The following KAZN variants were observed in gnomAD, a reference collection of about 807,000 sequenced individuals.
KAZN encodes kazrin.
In KAZN, 40 loss-of-function variants were observed where a neutral mutation model predicts 87.4. That is an observed-to-expected ratio of 0.46 (90% CI 0.36 to 0.60). KAZN has a LOEUF of 0.60. Ranked by LOEUF, KAZN falls within the 20% of genes least tolerant of loss-of-function variation. The pLI is 0.00. For missense variants in KAZN, 898 were observed against 1,073.9 expected, an observed-to-expected ratio of 0.84 and a Z score of 2.29; for synonymous variants, 466 against 458.3, an observed-to-expected ratio of 1.02 and a Z score of -0.22.
At chr1:15,074,088 C>G (rs1207574214) in intron 8 of KAZN, among the ~76,000 whole-genome samples, 1 of 152,234 alleles carries the variant, frequency 6.6e-6, no homozygotes, top group East Asian at 1.9e-4. Flanking sequence ...TGACCACAGC[C>G]AAGCTGGTCT....
chr1:14,373,017 A>G (rs1435991233), intron 2 of KAZN, among the ~76,000 whole-genome samples: 1 of 152,110 alleles, frequency 6.6e-6, no homozygotes, highest in Non-Finnish European at 1.5e-5. Context: ...AGGAGGTGCC[A>G]TTTCAGCTAC....
intron 1 of KAZN, chr1:14,180,391 G>A (rs1170225305): frequency 1.3e-6 from 2 of 1,527,868 alleles, no homozygotes; most frequent in Non-Finnish European, 1.8e-6. Flanking sequence ...CTCTTTGAAA[G>A]TTACCAGTTG....
At chr1:14,487,042 A>T (rs1669385391) in intron 2 of KAZN, among the ~76,000 whole-genome samples, 1 of 152,200 alleles carries the variant, frequency 6.6e-6, no homozygotes, top group Non-Finnish European at 1.5e-5. Flanking sequence ...TCTAGATGAG[A>T]TTCCATAAAT....
At chr1:14,775,510 G>C (rs1407515767) in intron 1 of KAZN, among the ~76,000 whole-genome samples, 1 of 152,250 alleles carries the variant, frequency 6.6e-6, no homozygotes, top group African/African-American at 2.4e-5. Flanking sequence ...TCCACGCCTT[G>C]TGATGTGGAC....
intron 1 of KAZN, among the ~76,000 whole-genome samples, chr1:14,678,851 TA>T (rs1640398469): frequency 6.6e-6 from 1 of 152,096 alleles, no homozygotes; most frequent in African/African-American, 2.4e-5. Context: ...CCGTATGTAA[TA>T]GGGGATATAT....
intron 2 of KAZN, among the ~76,000 whole-genome samples, chr1:14,999,086 C>T (rs1040818656): frequency 3.3e-5 from 5 of 152,236 alleles, no homozygotes; most frequent in South Asian, 2.1e-4. Context: ...CTTAGGAGGC[C>T]GAGGCAGGAG....
At chr1:13,934,066 A>G (rs12036756) in intron 1 of KAZN, among the ~76,000 whole-genome samples, 2,477 of 152,352 alleles carry the variant, frequency 0.016, 63 homozygotes, top group African/African-American at 0.055. Context: ...AGCCTGTACC[A>G]GTCCTTTTAA....
intron 2 of KAZN, among the ~76,000 whole-genome samples, chr1:15,026,278 C>T (rs1208429666): frequency 6.6e-6 from 1 of 152,196 alleles, no homozygotes; most frequent in Non-Finnish European, 1.5e-5. Context: ...CTGTATGCAG[C>T]TGAGCTCTGT....
At chr1:13,894,119 C>T (rs556517930) in intron 1 of KAZN, among the ~76,000 whole-genome samples, 5 of 152,244 alleles carry the variant, frequency 3.3e-5, no homozygotes, top group East Asian at 3.9e-4. Context: ...AGGTGCCAGT[C>T]GTAGCCTGGT....
At position 14,010,288 on chromosome 1, in the gene KAZN, T is replaced by G. The variant is rs79362402; in HGVS notation, c.91+116532T>G. Among the ~76,000 whole-genome samples, 80 of 152,368 alleles carry G rather than the reference T, an allele frequency of 5.3e-4. 1 individual carries two copies. The East Asian group carries it at 0.015, about 29-fold the overall frequency. On this transcript the variant is annotated intron_variant, in intron 1 of 16. Transcript: ENST00000636203. The stretch of plus-strand genomic sequence containing the variant: ...GGAGCTGCCTGCTGTACTTTGGTCT[T>G]ACTATATAAAACCTCTGTTGTGTTA...
At chr1:14,307,375 G>C (rs938311472) in intron 2 of KAZN, among the ~76,000 whole-genome samples, 22 of 152,062 alleles carry the variant, frequency 1.4e-4, no homozygotes, top group Admixed American at 9.2e-4. Flanking sequence ...CTGATGTTTT[G>C]GGTTGCTTCT....
intron 1 of KAZN, among the ~76,000 whole-genome samples, chr1:14,854,428 C>T (rs555508024): frequency 1.3e-5 from 2 of 152,300 alleles, no homozygotes; most frequent in South Asian, 4.1e-4. Context: ...GTTTATTTAG[C>T]TCATGGTTTT....
intron 1 of KAZN, among the ~76,000 whole-genome samples, chr1:14,670,129 T>C (rs1241783103): frequency 8.4e-5 from 12 of 142,166 alleles, no homozygotes; most frequent in Admixed American, 2.8e-4. Flanking sequence ...CCCTTTTTCA[T>C]TCCCTTCCCT....
chr1:14,990,499 C>T (rs10927618), intron 2 of KAZN, among the ~76,000 whole-genome samples: 45,091 of 152,148 alleles, frequency 0.3, 7,180 homozygotes, highest in African/African-American at 0.41. Flanking sequence ...GTTGTGATGA[C>T]GGGCATGAGC....
intron 1 of KAZN, among the ~76,000 whole-genome samples, chr1:13,945,523 C>CA (rs34016071): frequency 0.14 from 18,978 of 135,040 alleles, 1,458 homozygotes; most frequent in Middle Eastern, 0.22. Context: ...GACTCCATCT[C>CA]AAAAAAAAAA....
chr1:14,619,482 G>A (rs748718486), intron 1 of KAZN, among the ~76,000 whole-genome samples: 7 of 152,194 alleles, frequency 4.6e-5, no homozygotes, highest in Non-Finnish European at 8.8e-5. Flanking sequence ...TTGCAGTTGT[G>A]TGCCACTGTG....
At chr1:14,043,336 C>A (rs1021039545) in intron 1 of KAZN, among the ~76,000 whole-genome samples, 1 of 152,196 alleles carries the variant, frequency 6.6e-6, no homozygotes. Flanking sequence ...ATCCATTAAT[C>A]TGTTGATGGA....
At chr1:14,309,066 C>T (rs1655115210) in intron 2 of KAZN, among the ~76,000 whole-genome samples, 1 of 152,188 alleles carries the variant, frequency 6.6e-6, no homozygotes. Flanking sequence ...TTTCCTAGAG[C>T]AATGCCACCT....
At chr1:14,418,768 G>A (rs1444804854) in intron 2 of KAZN, among the ~76,000 whole-genome samples, 2 of 152,230 alleles carry the variant, frequency 1.3e-5, no homozygotes, top group African/African-American at 4.8e-5. Context: ...TCTGAAGCCA[G>A]ACCCTTCTCC....
Sources: gnomAD v4.1 joint callset for allele counts (sites outside exome capture counted in the v4.1 genomes callset) on GRCh38, gnomAD v4.1.1 for gene constraint, MANE v1.5 for transcripts, NCBI Gene and HGNC (gene_info 2026-07-23, HGNC 2026-07-21) for gene names.